SLC30A8: variants seen among roughly 807,000 people sequenced by gnomAD.
SLC30A8 encodes the protein solute carrier family 30 member 8, also known as proton-coupled zinc antiporter SLC30A8.
Under a neutral mutation model 36.9 loss-of-function variants are expected in SLC30A8, and 27 were observed. The observed-to-expected ratio is 0.73, with a 90% confidence interval of 0.54 to 1.01. The LOEUF is 1.01. Ranked by LOEUF, SLC30A8 falls within the 50% of genes least tolerant of loss-of-function variation. SLC30A8 has a pLI of 0.00. For synonymous variants in SLC30A8, 164 were observed against 172.4 expected, an observed-to-expected ratio of 0.95 and a Z score of 0.38; for missense variants, 439 against 452.0, an observed-to-expected ratio of 0.97 and a Z score of 0.26.
At chr8:117,100,952 A>G (rs765959721) in intron 2 of SLC30A8, among the ~76,000 whole-genome samples, 9 of 152,184 alleles carry the variant, frequency 5.9e-5, no homozygotes, top group Non-Finnish European at 1.0e-4. Context: ...AGAACTAAAC[A>G]TACCACTATT....
chr8:116,952,850 T>TTTTA (rs10644777), intron 1 of SLC30A8, among the ~76,000 whole-genome samples: 91,166 of 150,036 alleles, frequency 0.61, 28,097 homozygotes, highest in African/African-American at 0.7. Flanking sequence ...CAAAGAAGAA[T>TTTTA]TTTATTTATT....
intron 2 of SLC30A8, among the ~76,000 whole-genome samples, chr8:117,093,874 G>A (rs868561479): frequency 1.3e-5 from 2 of 152,188 alleles, no homozygotes; most frequent in African/African-American, 2.4e-5. Context: ...GTGGCAAGGG[G>A]TATGTGAGTG....
chr8:117,018,906 A>G (rs1323503599), intron 1 of SLC30A8, among the ~76,000 whole-genome samples: 1 of 151,854 alleles, frequency 6.6e-6, no homozygotes, highest in African/African-American at 2.4e-5. Context: ...CAGGTGATCT[A>G]CCCACCTCGG....
intron 2 of SLC30A8, among the ~76,000 whole-genome samples, chr8:117,114,523 T>C (rs1434179441): frequency 1.3e-5 from 2 of 152,120 alleles, no homozygotes; most frequent in Non-Finnish European, 2.9e-5. Flanking sequence ...ACTCAAAGGC[T>C]AAGCTGACCC....
intron 1 of SLC30A8, among the ~76,000 whole-genome samples, chr8:116,952,421 C>T (rs991519174): frequency 6.6e-6 from 1 of 152,066 alleles, no homozygotes; most frequent in African/African-American, 2.4e-5. Context: ...GGCATCATGG[C>T]CCCTCACCCC....
At chr8:117,057,839 T>C (rs1435102137) in intron 2 of SLC30A8, among the ~76,000 whole-genome samples, 1 of 152,258 alleles carries the variant, frequency 6.6e-6, no homozygotes, top group Non-Finnish European at 1.5e-5. Context: ...TGAATAATGC[T>C]GTAGTAAACA....
intron 2 of SLC30A8, among the ~76,000 whole-genome samples, chr8:117,064,455 T>C (rs968196517): frequency 6.6e-6 from 1 of 152,162 alleles, no homozygotes; most frequent in Non-Finnish European, 1.5e-5. Flanking sequence ...TGTGAAGTGA[T>C]CATATAGCTG....
chr8:116,958,744 A>G (rs534640559), intron 1 of SLC30A8, among the ~76,000 whole-genome samples: 38 of 150,972 alleles, frequency 2.5e-4, no homozygotes, highest in Non-Finnish European at 4.4e-4. Flanking sequence ...TCATCACTTT[A>G]AGTATTTTTT....
At chr8:116,977,141 C>CTTTTTTTTTTTTTTTTTTTTTTTTTCT (rs71305451) in intron 1 of SLC30A8, among the ~76,000 whole-genome samples, 1 of 59,094 alleles carries the variant, frequency 1.7e-5, no homozygotes, top group Non-Finnish European at 2.8e-5. Context: ...CTTTTTCTTG[C>CTTTTTTTTTTTTTTTTTTTTTTTTTCT]TTTTTTTTTT....
chr8:117,043,363 G>A (rs1028316021), intron 2 of SLC30A8, among the ~76,000 whole-genome samples: 11 of 152,216 alleles, frequency 7.2e-5, no homozygotes, highest in African/African-American at 2.7e-4. Flanking sequence ...CCGGCAGAAA[G>A]AGAACTTGAG....
intron 2 of SLC30A8, among the ~76,000 whole-genome samples, chr8:117,111,050 C>T (rs564699170): frequency 6.6e-6 from 1 of 152,128 alleles, no homozygotes; most frequent in East Asian, 1.9e-4. Context: ...CTGTCACATT[C>T]TCTTAGGAAA....
At chr8:117,063,692 A>C (rs900300820) in intron 2 of SLC30A8, among the ~76,000 whole-genome samples, 1 of 152,202 alleles carries the variant, frequency 6.6e-6, no homozygotes, top group Middle Eastern at 3.2e-3. Flanking sequence ...GAAGCACACA[A>C]TATAGAGAAA....
intron 1 of SLC30A8, among the ~76,000 whole-genome samples, chr8:117,144,093 C>G (rs908292378): frequency 6.6e-6 from 1 of 152,166 alleles, no homozygotes; most frequent in Non-Finnish European, 1.5e-5. Context: ...TTTGCTCATG[C>G]TGTCTTCTCA....
chr8:117,000,702 G>T (rs1320190641), intron 1 of SLC30A8, among the ~76,000 whole-genome samples: 2 of 152,294 alleles, frequency 1.3e-5, no homozygotes, highest in Non-Finnish European at 2.9e-5. Flanking sequence ...CTAATAGTGG[G>T]TGCTGTGCCA....
chr8:117,122,522 C>T (rs1820732466), intron 2 of SLC30A8, among the ~76,000 whole-genome samples: 1 of 152,028 alleles, frequency 6.6e-6, no homozygotes, highest in African/African-American at 2.4e-5. Context: ...TCCAACTTTT[C>T]CCTCTCCTTG....
intron 1 of SLC30A8, among the ~76,000 whole-genome samples, chr8:117,027,494 T>TG (rs1816910697): frequency 6.6e-6 from 1 of 152,168 alleles, no homozygotes; most frequent in South Asian, 2.1e-4. Flanking sequence ...TTTATTTACT[T>TG]GTTAATTGTT....
At chr8:117,123,327 T>C (rs888748067) in intron 2 of SLC30A8, among the ~76,000 whole-genome samples, 4 of 152,050 alleles carry the variant, frequency 2.6e-5, no homozygotes, top group African/African-American at 9.7e-5. Context: ...ATCTAGCTGA[T>C]TTTATGCAGT....
chr8:116,999,846 A>C (rs1225558040), intron 1 of SLC30A8, among the ~76,000 whole-genome samples: 1 of 151,628 alleles, frequency 6.6e-6, no homozygotes, highest in Admixed American at 6.5e-5. Flanking sequence ...AGCAGACATA[A>C]AAAATTAATA....
At position 117,157,710 on chromosome 8, in the gene SLC30A8, C is replaced by T; in HGVS notation, c.438C>T (p.Leu146=). 1.9e-6 allele frequency: 3 copies of T among 1,614,044 alleles called. No homozygotes were observed. Among genetic ancestry groups the T allele is most frequent in the Non-Finnish European group, 2.5e-6 (3 of 1,179,968 alleles). The change falls in exon 4 of 8, where the codon CTC becomes CTT. Residue 146 remains leucine, a synonymous_variant. Transcript: ENST00000456015. ...TCCTAGAGATCCTTGGTGCCCTGCT[C>T]TCCATCCTGTGCATCTGGGTGGTGA... is the stretch of plus-strand genomic sequence containing the variant. The part of the protein sequence containing the change: ...WHRAEILGAL[L]SILCIWVVTG...
Sources: gnomAD v4.1 joint callset for allele counts (sites outside exome capture counted in the v4.1 genomes callset) on GRCh38, gnomAD v4.1.1 for gene constraint, MANE v1.5 for transcripts, NCBI Gene and HGNC (gene_info 2026-07-23, HGNC 2026-07-21) for gene names.